The following LRP11 variants were observed in gnomAD, a reference collection of about 807,000 sequenced individuals.
LRP11 encodes the protein low-density lipoprotein receptor-related protein 11.
In LRP11, 25 loss-of-function variants were observed where a neutral mutation model predicts 43.1. The observed-to-expected ratio is 0.58, with a 90% CI of 0.42 to 0.81. LRP11 has a LOEUF of 0.81. Among genes scored for constraint, LRP11 ranks in the 30% least tolerant of loss-of-function variants. The pLI is 0.00. For missense variants in LRP11, 623 were observed against 665.1 expected (o/e 0.94, Z 0.70); for synonymous variants, 316 against 299.4 (o/e 1.06, Z -0.57).
intron 2 of LRP11, among the ~76,000 whole-genome samples, chr6:149,851,308 G>A (rs193004423): frequency 2.0e-4 from 31 of 152,310 alleles, no homozygotes; most frequent in Non-Finnish European, 1.0e-4. Flanking sequence ...GGTAATGAAT[G>A]AGTCAGAAAA....
chr6:149,863,736 G>C lies in LRP11; in HGVS notation c.285C>G (p.Gly95=). The part of the protein sequence containing the change: ...PQEDCPGPGS[G]GYSAMPDAII... Reference sequence around the variant, plus strand: ...TGGCGTCAGGCATTGCGCTGTAGCCGCCGCTGCCCGGGCCCGGGCAGTCCT... The same window carrying C: ...TGGCGTCAGGCATTGCGCTGTAGCCCCCGCTGCCCGGGCCCGGGCAGTCCT... Residue 95 remains glycine, a synonymous_variant, in exon 1 of 7, where the codon GGC becomes GGG. Coordinates refer to ENST00000239367, the MANE Select transcript of LRP11 (RefSeq NM_032832.6). 6.8e-7 allele frequency: 1 copy of C among 1,478,856 alleles called. No homozygotes were observed. Among genetic ancestry groups the C allele is most frequent in the Non-Finnish European group, 8.9e-7 (1 of 1,121,442 alleles). The allele number at this position is 1,478,856 out of a possible 1,614,324, so 91.6% of individuals were successfully genotyped here. A position where few individuals can be genotyped will look rare whatever the true frequency, so the allele number is the denominator to read the frequency against.
chr6:149,854,715 G>C (rs948893824), intron 1 of LRP11, among the ~76,000 whole-genome samples: 2 of 152,146 alleles, frequency 1.3e-5, no homozygotes, highest in East Asian at 3.9e-4. Flanking sequence ...TCGAGTGCTG[G>C]CTGGGCTTGC....
intron 6 of LRP11, 52 bp from the exon 7 acceptor site, chr6:149,820,755 C>G: frequency 2.6e-6 from 2 of 773,878 alleles, no homozygotes; most frequent in Non-Finnish European, 4.8e-6. Context: ...GTCACAGTGA[C>G]AGCTACTGGT....
At chr6:149,856,595 A>AAAATGTAAT (rs1776802562) in intron 1 of LRP11, among the ~76,000 whole-genome samples, 1 of 152,242 alleles carries the variant, frequency 6.6e-6, no homozygotes, top group African/African-American at 2.4e-5. Flanking sequence ...TTTTGTCAAA[A>AAAATGTAAT]AAATGTAATA....
intron 1 of LRP11, among the ~76,000 whole-genome samples, chr6:149,860,923 G>C (rs2115425765): frequency 6.6e-6 from 1 of 152,266 alleles, no homozygotes. Context: ...CAGAACCTAG[G>C]CCTTTGTGTT....
rs2115434134 is a variant in LRP11 at position 149,863,683 on chromosome 6, G to A, written c.338C>T (p.Ala113Val). The change falls in exon 1 of 7, where the codon GCG becomes GTG. Residue 113 changes from alanine (A) to valine (V), a missense_variant. Coordinates refer to ENST00000239367, the MANE Select transcript of LRP11 (RefSeq NM_032832.6). ...CGGCGCCCGCAGGAAGCTGGCACCCGCCGCCAGGGAGTCCTTGGTGCGGAT... is the reference window on the plus strand; with the variant it reads ...CGGCGCCCGCAGGAAGCTGGCACCCACCGCCAGGGAGTCCTTGGTGCGGAT... ...AIIRTKDSLA[A>V]GASFLRAPAA... The A allele has an allele frequency of 6.8e-7, 1 of 1,476,070 alleles. No homozygotes were observed. Among genetic ancestry groups the A allele is most frequent in the Non-Finnish European group, 8.9e-7 (1 of 1,120,440 alleles). The allele number at this position is 1,476,070 out of a possible 1,614,324, so 91.4% of individuals were successfully genotyped here. A position where few individuals can be genotyped will look rare whatever the true frequency, so the allele number is the denominator to read the frequency against.
chr6:149,847,033 G>A (rs1776647047), intron 2 of LRP11, among the ~76,000 whole-genome samples: 1 of 147,504 alleles, frequency 6.8e-6, no homozygotes, highest in Non-Finnish European at 1.5e-5. Context: ...AGGAAGCACT[G>A]AGGCCAGGGA....
At chr6:149,837,197 A>T in intron 4 of LRP11, 141 bp downstream of exon 4, 1 of 835,320 alleles carries the variant, frequency 1.2e-6, no homozygotes, top group Non-Finnish European at 1.8e-6. Flanking sequence ...ATTCTCATTT[A>T]AGGCATAGCT....
intron 1 of LRP11, among the ~76,000 whole-genome samples, chr6:149,859,396 A>ATATATTTTTT: frequency 2.2e-4 from 16 of 71,494 alleles, no homozygotes; most frequent in Non-Finnish European, 3.7e-4. Context: ...ATATATATAT[A>ATATATTTTTT]TTTTTTTTTT....
chr6:149,833,926 C>A (rs1210643907), intron 5 of LRP11, among the ~76,000 whole-genome samples: 3 of 152,058 alleles, frequency 2.0e-5, no homozygotes, highest in African/African-American at 7.2e-5. Flanking sequence ...GTTTGTCACA[C>A]AGGTAAACGT....
chr6:149,837,081 C>G (rs943571950), intron 4 of LRP11, among the ~76,000 whole-genome samples: 2 of 151,966 alleles, frequency 1.3e-5, no homozygotes, highest in African/African-American at 4.8e-5. Context: ...AAGCACATGA[C>G]ATGCAGCATT....
At chr6:149,848,423 T>A (rs565258180) in intron 2 of LRP11, among the ~76,000 whole-genome samples, 2 of 152,176 alleles carry the variant, frequency 1.3e-5, no homozygotes, top group African/African-American at 2.4e-5. Flanking sequence ...TAAAGACACA[T>A]GCATGCATAC....
At chr6:149,859,396 A>ATATATATATATATATATATATTTTTTT in intron 1 of LRP11, among the ~76,000 whole-genome samples, 3 of 71,496 alleles carry the variant, frequency 4.2e-5, no homozygotes, top group African/African-American at 1.6e-4. Flanking sequence ...ATATATATAT[A>ATATATATATATATATATATATTTTTTT]TTTTTTTTTT....
chr6:149,845,508 G>A (rs1776618675), intron 2 of LRP11, among the ~76,000 whole-genome samples: 1 of 152,182 alleles, frequency 6.6e-6, no homozygotes, highest in African/African-American at 2.4e-5. Context: ...GTTAAGCAGT[G>A]CTCACTGCCA....
intron 3 of LRP11, among the ~76,000 whole-genome samples, chr6:149,839,344 A>G (rs1371374065): frequency 6.6e-6 from 1 of 152,156 alleles, no homozygotes; most frequent in Non-Finnish European, 1.5e-5. Context: ...GAAGAAGAGG[A>G]AGCAAAGAGC....
At chr6:149,836,838 AAAG>A (rs1776478233) in intron 4 of LRP11, among the ~76,000 whole-genome samples, 1 of 151,850 alleles carries the variant, frequency 6.6e-6, no homozygotes, top group Non-Finnish European at 1.5e-5. Context: ...AGAAAAGAAA[AAAG>A]AAATGGACAA....
At position 149,864,328 on chromosome 6, in the gene LRP11, G is replaced by C. The variant is rs1323954703; in HGVS notation, c.-308C>G. Reference sequence around the variant, plus strand: ...GCTGGGTGGCGACGAGTCGGCCTCGGCGTTGATCAGCACCAGGTGTGTGCG... The same window carrying C: ...GCTGGGTGGCGACGAGTCGGCCTCGCCGTTGATCAGCACCAGGTGTGTGCG... On this transcript the variant is annotated 5_prime_UTR_variant, in exon 1 of 7. Coordinates refer to ENST00000239367, the MANE Select transcript of LRP11 (RefSeq NM_032832.6). The C allele has an allele frequency of 9.8e-7, 1 of 1,016,544 alleles. No homozygotes were observed. The highest frequency in any genetic ancestry group is 5.8e-5 in the Admixed American group (1 of 17,216). 63.0% of individuals were successfully genotyped at this position (1,016,544 alleles called of 1,614,324 possible).
chr6:149,844,193 T>C (rs879188088), intron 2 of LRP11, among the ~76,000 whole-genome samples: 7 of 149,138 alleles, frequency 4.7e-5, no homozygotes, highest in Admixed American at 2.7e-4. Context: ...ACAGAGGTTG[T>C]AGTGTGCCAA....
chr6:149,859,396 A>ATATATATATATTTTT, intron 1 of LRP11, among the ~76,000 whole-genome samples: 5 of 71,496 alleles, frequency 7.0e-5, no homozygotes, highest in East Asian at 1.8e-3. Flanking sequence ...ATATATATAT[A>ATATATATATATTTTT]TTTTTTTTTT....
Sources: gnomAD v4.1 joint callset for allele counts (sites outside exome capture counted in the v4.1 genomes callset) on GRCh38, gnomAD v4.1.1 for gene constraint, MANE v1.5 for transcripts, NCBI Gene and HGNC (gene_info 2026-07-23, HGNC 2026-07-21) for gene names.